The following GRAMD4 variants were observed in gnomAD, a reference collection of about 807,000 sequenced individuals.
GRAMD4 encodes the protein GRAM domain-containing protein 4.
Under a neutral mutation model 83.9 loss-of-function variants are expected in GRAMD4, and 25 were observed. The observed-to-expected ratio is 0.30, with a 90% CI of 0.22 to 0.42. The LOEUF (loss-of-function observed/expected upper bound fraction) is 0.42, where lower values mean the gene tolerates loss of function less well. Among genes scored for constraint, GRAMD4 ranks in the 10% least tolerant of loss-of-function variants. The pLI is 1.00. For missense variants in GRAMD4, 593 were observed against 788.7 expected, an observed-to-expected ratio of 0.75 and a Z score of 2.97; for synonymous variants, 336 against 320.9, an observed-to-expected ratio of 1.05 and a Z score of -0.50.
At position 46,659,136 on chromosome 22, in the gene GRAMD4, C is replaced by T. The variant is rs887274097; in HGVS notation, c.404+829C>T. 1.3e-5 allele frequency among the ~76,000 whole-genome samples: 2 copies of T among 152,150 alleles called. No individual in the cohort carries two copies. The highest frequency in any genetic ancestry group is 1.9e-4 in the East Asian group (1 of 5,188). On this transcript the variant is annotated intron_variant, in intron 4 of 18. Coordinates refer to ENST00000406902, the MANE Select transcript of GRAMD4 (RefSeq NM_015124.5). The surrounding 1 kb of genome is among the most constrained non-coding windows in gnomAD (Gnocchi z 4.1). Reference sequence around the variant, plus strand: ...AGGCCACTCACCTCTGGCTCCCAGGCCTCCCGCTCAGCCTCCACTCCAGCA... The same window carrying T: ...AGGCCACTCACCTCTGGCTCCCAGGTCTCCCGCTCAGCCTCCACTCCAGCA...
chr22:46,602,767 T>A (rs1298127391), intron 1 of GRAMD4, among the ~76,000 whole-genome samples: 1 of 147,484 alleles, frequency 6.8e-6, no homozygotes. Flanking sequence ...TTTCTCTTTT[T>A]TTTTTTTTTT....
chr22:46,671,508 T>G (rs1014042253), intron 13 of GRAMD4, among the ~76,000 whole-genome samples: 1 of 145,846 alleles, frequency 6.9e-6, no homozygotes, highest in African/African-American at 2.5e-5. Context: ...TAAAAAAAAT[T>G]AGCCAGGCAT....
intron 3 of GRAMD4, among the ~76,000 whole-genome samples, chr22:46,639,423 A>AGT (rs369387616): frequency 3.0e-4 from 43 of 142,352 alleles, no homozygotes; most frequent in African/African-American, 9.9e-4. Context: ...TAGTTAATCC[A>AGT]GTGTGTGTGT....
Position 46,615,003 on chromosome 22 carries a change from A to G in GRAMD4, c.-49-11748A>G, listed in dbSNP as rs1173108534. On this transcript the variant is annotated intron_variant, in intron 1 of 1. Coordinates refer to the GRAMD4 transcript ENST00000431155. ...TGTGCATGTAGGTTCCCCCGTGTGT[A>G]GGTTCCCCTGTGCGTGTGGGTTCCC... Among the ~76,000 whole-genome samples the G allele has an allele frequency of 5.5e-5, 5 of 90,186 alleles. No individual in the cohort carries two copies. In the Middle Eastern group the frequency reaches 0.023, roughly 423 times the overall value. The allele number at this position is 90,186 out of a possible 152,430, so 59.2% of individuals were successfully genotyped here.
At chr22:46,652,952 A>C (rs1261346504) in intron 3 of GRAMD4, among the ~76,000 whole-genome samples, 1 of 152,214 alleles carries the variant, frequency 6.6e-6, no homozygotes, top group African/African-American at 2.4e-5. Context: ...GGCAGGAGGC[A>C]GGCCGGTGCG....
chr22:46,629,146 G>T (rs1194627806), intron 2 of GRAMD4, among the ~76,000 whole-genome samples: 1 of 152,146 alleles, frequency 6.6e-6, no homozygotes, highest in Non-Finnish European at 1.5e-5. Flanking sequence ...GAGATTCCTA[G>T]TGTGGGTGAG....
rs116764119 is a variant in GRAMD4, at chr22:46,629,099, G to A, written c.162+2138G>A. Among the ~76,000 whole-genome samples the A allele has an allele frequency of 5.2e-3, 792 of 152,192 alleles. 8 individuals are homozygous for A. Among genetic ancestry groups the A allele is most frequent in the African/African-American group, 0.019 (769 of 41,508 alleles). The stretch of plus-strand genomic sequence containing the variant: ...TCGAGGCTGTGAGGGGCTGCGGGGG[G>A]AAACCACCTCAGGGACTCGGACGTC... On this transcript the variant is annotated intron_variant, in intron 2 of 18. Transcript: ENST00000406902.
intron 3 of GRAMD4, among the ~76,000 whole-genome samples, chr22:46,646,525 CTTCCT>C (rs2082075288): frequency 6.6e-6 from 1 of 152,190 alleles, no homozygotes; most frequent in Non-Finnish European, 1.5e-5. Context: ...TGAGGAAGAC[CTTCCT>C]TACCATTGAA....
chr22:46,613,537 G>C (rs1404815894), intron 1 of GRAMD4, among the ~76,000 whole-genome samples: 1 of 152,232 alleles, frequency 6.6e-6, no homozygotes, highest in African/African-American at 2.4e-5. Flanking sequence ...GGTCCTCCAG[G>C]CAGGGTGATG....
At chr22:46,663,272 G>A (rs1468137859) in intron 6 of GRAMD4, 100 bp downstream of exon 6, 3 of 1,177,800 alleles carry the variant, frequency 2.5e-6, no homozygotes, top group Non-Finnish European at 3.6e-6. Context: ...GTGGGCCAAA[G>A]CTGTCTGTGA....
chr22:46,591,551 C>T (rs1237607002), intron 1 of GRAMD4, among the ~76,000 whole-genome samples: 7 of 150,956 alleles, frequency 4.6e-5, no homozygotes, highest in Middle Eastern at 3.6e-3. Context: ...AGGCCACCCC[C>T]GGGCCGTGCA....
At chr22:46,602,219 C>G (rs117996386) in intron 1 of GRAMD4, among the ~76,000 whole-genome samples, 1 of 152,202 alleles carries the variant, frequency 6.6e-6, no homozygotes, top group Admixed American at 6.5e-5. Context: ...GTGTGAGAGA[C>G]TAGGAGAGCT....
chr22:46,620,497 G>A lies in GRAMD4; in HGVS notation c.-118G>A. 1 of 984,038 alleles carries A rather than the reference G, an allele frequency of 1.0e-6. No individual in the cohort carries two copies. Among genetic ancestry groups the A allele is most frequent in the Non-Finnish European group, 1.2e-6 (1 of 829,538 alleles). The allele number at this position is 984,038 out of a possible 1,614,324, so 61.0% of individuals were successfully genotyped here. A position where few individuals can be genotyped will look rare whatever the true frequency, so the allele number is the denominator to read the frequency against. On this transcript the variant is annotated 5_prime_UTR_variant, in exon 1 of 19. Transcript: ENST00000406902. This position sits in a 1 kb window ranked among gnomAD's most constrained non-coding sequence, Gnocchi z 4.7. ...TTCCTGGGTCCTCGTAGCACATCCT[G>A]GTTCTGGGCCAGGACCTGAAGGAGC...
upstream of GRAMD4, among the ~76,000 whole-genome samples, chr22:46,619,959 C>T (rs1029651555): frequency 6.6e-6 from 1 of 152,116 alleles, no homozygotes. Context: ...AGCAGGAGAG[C>T]CGCCAGATAA....
chr22:46,600,627 G>A (rs893215532), intron 1 of GRAMD4, among the ~76,000 whole-genome samples: 1 of 152,198 alleles, frequency 6.6e-6, no homozygotes, highest in Non-Finnish European at 1.5e-5. Context: ...CAAGGCGGCA[G>A]GTGCGTCCTG....
intron 1 of GRAMD4, among the ~76,000 whole-genome samples, chr22:46,613,670 G>A (rs1408968154): frequency 6.6e-6 from 1 of 152,238 alleles, no homozygotes; most frequent in East Asian, 1.9e-4. Flanking sequence ...CCATGGTGCA[G>A]AGGGCAGGGT....
At chr22:46,620,373 G>A, upstream of GRAMD4, 1 of 985,420 alleles carries the variant, frequency 1.0e-6, no homozygotes. The surrounding 1 kb of genome is among the most constrained non-coding windows in gnomAD (Gnocchi z 4.7). Context: ...GAGCCCTGCT[G>A]CCCTGCTCTG....
At chr22:46,680,805 CCCAT>C (rs751195568), downstream of GRAMD4, among the ~76,000 whole-genome samples, 489 of 55,812 alleles carry the variant, frequency 8.8e-3, 13 homozygotes, top group African/African-American at 0.052. Flanking sequence ...CATTCACCTA[CCCAT>C]CCATCCATCC....
chr22:46,598,711 G>T (rs905343525), intron 1 of GRAMD4, among the ~76,000 whole-genome samples: 6 of 151,328 alleles, frequency 4.0e-5, no homozygotes, highest in Non-Finnish European at 8.9e-5. Flanking sequence ...GCAGCTCCGA[G>T]CTCCTTGAGG....
Sources: allele counts gnomAD v4.1 joint callset (sites outside exome capture counted in the v4.1 genomes callset), GRCh38; gene constraint gnomAD v4.1.1; non-coding constraint Gnocchi (gnomAD v3.1); transcripts MANE v1.5; gene names NCBI Gene and HGNC (gene_info 2026-07-23, HGNC 2026-07-21).